Variants in CPQ observed in about 807,000 individuals in gnomAD.
CPQ encodes the protein carboxypeptidase Q, also known as Ser-Met dipeptidase.
Under a neutral mutation model 45.7 loss-of-function variants are expected in CPQ, and 37 were observed. The observed-to-expected ratio is 0.81, with a 90% CI of 0.62 to 1.07. CPQ has a LOEUF of 1.07. CPQ is among the 50% of genes least tolerant of loss of function. CPQ has a pLI of 0.00. For synonymous variants in CPQ, 186 were observed against 205.8 expected (o/e 0.90, Z 0.82); for missense variants, 537 against 572.9 (o/e 0.94, Z 0.64).
intron 4 of CPQ, among the ~76,000 whole-genome samples, chr8:96,890,986 A>G (rs928713258): frequency 1.3e-5 from 2 of 152,200 alleles, no homozygotes; most frequent in African/African-American, 4.8e-5. Flanking sequence ...CGAGCCCTGC[A>G]AAGCCCTGCA....
In CPQ at chr8:97,094,086, CT is replaced by C. The variant is rs904310952; in HGVS notation, c.1255+27879del. Among the ~76,000 whole-genome samples the C allele has an allele frequency of 5.6e-3, 845 of 149,652 alleles. 6 individuals are homozygous for C. The highest frequency in any genetic ancestry group is 0.019 in the African/African-American group (781 of 41,128). On this transcript the variant is annotated intron_variant, in intron 7 of 7. Transcript: ENST00000220763. The stretch of plus-strand genomic sequence containing the variant: ...CACATTTTTTCTTTTCTTTTTTTCT[CT>C]TTGCAGAATGAGTGTTCTGAGAAGA...
chr8:97,085,761 GTTGT>G (rs1303698726), intron 7 of CPQ, among the ~76,000 whole-genome samples: 5 of 152,188 alleles, frequency 3.3e-5, no homozygotes, highest in Admixed American at 2.0e-4. Context: ...ACCTAGAGGA[GTTGT>G]TTAACGGCTG....
At chr8:97,085,222 T>C (rs754767334) in intron 7 of CPQ, among the ~76,000 whole-genome samples, 21 of 151,884 alleles carry the variant, frequency 1.4e-4, no homozygotes, top group Non-Finnish European at 2.6e-4. Flanking sequence ...TGTCTCTACA[T>C]AAAATTTAAA....
intron 6 of CPQ, among the ~76,000 whole-genome samples, chr8:97,051,823 C>G (rs1159926693): frequency 2.0e-5 from 3 of 152,166 alleles, no homozygotes; most frequent in African/African-American, 7.2e-5. Flanking sequence ...TGTACATCAC[C>G]TCCTTTTGCT....
At chr8:96,859,717 T>C (rs1363910828) in intron 3 of CPQ, among the ~76,000 whole-genome samples, 1 of 152,176 alleles carries the variant, frequency 6.6e-6, no homozygotes, top group Non-Finnish European at 1.5e-5. Context: ...AACTTCATTA[T>C]ACTTAGAAGT....
intron 3 of CPQ, among the ~76,000 whole-genome samples, chr8:96,842,998 C>A (rs532462240): frequency 2.6e-5 from 4 of 152,104 alleles, no homozygotes; most frequent in Non-Finnish European, 5.9e-5. Context: ...CTCCGCCTCC[C>A]GGGTTCAAGC....
At chr8:96,993,145 G>A (rs1328028808) in intron 5 of CPQ, among the ~76,000 whole-genome samples, 2 of 152,172 alleles carry the variant, frequency 1.3e-5, no homozygotes, top group African/African-American at 4.8e-5. Flanking sequence ...TATATATGGT[G>A]CATTAATATC....
chr8:97,088,853 A>G (rs1229450348), intron 7 of CPQ, among the ~76,000 whole-genome samples: 1 of 152,216 alleles, frequency 6.6e-6, no homozygotes. Context: ...TACCACATAT[A>G]CAGGAAGAAA....
intron 1 of CPQ, among the ~76,000 whole-genome samples, chr8:96,680,731 G>A (rs957320780): frequency 2.0e-5 from 3 of 152,170 alleles, no homozygotes; most frequent in Non-Finnish European, 4.4e-5. Context: ...ACAGTTTAGA[G>A]GGCTCAGAAG....
At chr8:96,998,468 G>A (rs1433421829) in intron 5 of CPQ, among the ~76,000 whole-genome samples, 1 of 151,864 alleles carries the variant, frequency 6.6e-6, no homozygotes, top group Non-Finnish European at 1.5e-5. Flanking sequence ...AAAAGATTTT[G>A]TAATGCAAGA....
chr8:96,848,517 C>G (rs185455303), intron 3 of CPQ, among the ~76,000 whole-genome samples: 94 of 152,248 alleles, frequency 6.2e-4, no homozygotes, highest in Middle Eastern at 3.4e-3. Context: ...TTTGATTGCT[C>G]TTTGTATGAC....
intron 4 of CPQ, among the ~76,000 whole-genome samples, chr8:96,919,846 G>A (rs1016243386): frequency 6.6e-6 from 1 of 152,124 alleles, no homozygotes; most frequent in Non-Finnish European, 1.5e-5. Context: ...AGTCCAGTTA[G>A]GGTTAAGATA....
At chr8:96,673,230 C>T (rs1056342732) in intron 1 of CPQ, among the ~76,000 whole-genome samples, 3 of 152,162 alleles carry the variant, frequency 2.0e-5, no homozygotes, top group Non-Finnish European at 2.9e-5. Flanking sequence ...CGTGAAAGTA[C>T]ACTCCACAGA....
intron 6 of CPQ, among the ~76,000 whole-genome samples, chr8:97,032,055 T>A (rs1290088980): frequency 6.6e-6 from 1 of 152,280 alleles, no homozygotes; most frequent in South Asian, 2.1e-4. Flanking sequence ...TAAATTAGAT[T>A]GTCTTTAGAC....
chr8:96,838,070 G>C (rs1401768706), intron 3 of CPQ, among the ~76,000 whole-genome samples: 1 of 152,094 alleles, frequency 6.6e-6, no homozygotes, highest in Non-Finnish European at 1.5e-5. Context: ...ACACTTATGA[G>C]TTTCTTCCTC....
At chr8:96,682,194 T>C (rs1330734595) in intron 1 of CPQ, among the ~76,000 whole-genome samples, 1 of 152,160 alleles carries the variant, frequency 6.6e-6, no homozygotes, top group Non-Finnish European at 1.5e-5. Context: ...TTTGGCTGTG[T>C]TCCCCACCCA....
chr8:96,769,626 AT>A (rs34672966), intron 1 of CPQ, among the ~76,000 whole-genome samples: 12,513 of 112,658 alleles, frequency 0.11, 422 homozygotes, highest in Middle Eastern at 0.12. Flanking sequence ...TGTTTACTGG[AT>A]TTTTTTTTTT....
At chr8:96,754,064 C>T (rs1320538760) in intron 1 of CPQ, among the ~76,000 whole-genome samples, 2 of 151,440 alleles carry the variant, frequency 1.3e-5, no homozygotes, top group Non-Finnish European at 3.0e-5. Flanking sequence ...TGAGGTAATC[C>T]CTACTTGATT....
rs138055380 is a variant in CPQ at position 96,685,059 on chromosome 8, G to A, written c.-35+39657G>A. ...GCGGAGGTTGCAGTGAGCTGAGCTC[G>A]TGCCACTGCATTCCAGCCTGGGGTG... On this transcript the variant is annotated intron_variant, in intron 1 of 7. Coordinates refer to ENST00000220763, the MANE Select transcript of CPQ (RefSeq NM_016134.4). Among the ~76,000 whole-genome samples, 403 of 151,800 alleles carry A rather than the reference G, an allele frequency of 2.7e-3. 1 individual carries two copies. Among genetic ancestry groups the A allele is most frequent in the African/African-American group, 9.1e-3 (377 of 41,392 alleles).
Sources: gnomAD v4.1 joint callset for allele counts (sites outside exome capture counted in the v4.1 genomes callset) on GRCh38, gnomAD v4.1.1 for gene constraint, MANE v1.5 for transcripts, NCBI Gene and HGNC (gene_info 2026-07-23, HGNC 2026-07-21) for gene names.